SNX13: variants seen among roughly 807,000 people sequenced by gnomAD.
SNX13 encodes the protein sorting nexin 13, also known as sorting nexin-13.
SNX13 carries 45 observed loss-of-function variants against 133.6 expected under a neutral mutation model. The observed-to-expected ratio is 0.34, with a 90% CI of 0.27 to 0.43. The LOEUF (loss-of-function observed/expected upper bound fraction) is 0.43. Among genes scored for constraint, SNX13 ranks in the 20% least tolerant of loss-of-function variants. SNX13 has a pLI of 1.00. For synonymous variants in SNX13, 414 were observed against 373.9 expected (o/e 1.11, Z -1.24); for missense variants, 1,032 against 1,145.1 (o/e 0.90, Z 1.43).
At chr7:17,888,868 C>T (rs1796305582) in intron 5 of SNX13, 1 of 358,168 alleles carries the variant, frequency 2.8e-6, no homozygotes, top group East Asian at 8.7e-5. Context: ...AGTTTAAAGA[C>T]ACTTGCTCAC....
chr7:17,904,567 T>C (rs944621045), intron 1 of SNX13, among the ~76,000 whole-genome samples: 2 of 152,160 alleles, frequency 1.3e-5, no homozygotes, highest in Admixed American at 1.3e-4. Context: ...CTGTCAGAAC[T>C]ACCATAGAAA....
chr7:17,938,325 CTACTG>C (rs1225311068), intron 1 of SNX13, among the ~76,000 whole-genome samples: 2 of 152,142 alleles, frequency 1.3e-5, no homozygotes. Context: ...TCAGAGCTCT[CTACTG>C]AGAGTTAGGA....
chr7:17,796,496 G>C (rs1264232392), intron 25 of SNX13: 1 of 199,136 alleles, frequency 5.0e-6, no homozygotes, highest in Non-Finnish European at 1.0e-5. Context: ...AGAGCGAAGT[G>C]GCTAAAAGCA....
intron 5 of SNX13, chr7:17,881,329 C>T (rs1795317493): frequency 6.6e-6 from 1 of 151,470 alleles, no homozygotes; most frequent in Admixed American, 6.6e-5. Context: ...TATACATATA[C>T]ACATACACAA....
intron 1 of SNX13, 105 bp downstream of exon 1, chr7:17,940,179 G>C: frequency 6.8e-7 from 1 of 1,474,324 alleles, no homozygotes. Flanking sequence ...TGGAGCCCAC[G>C]GCGAAGGGTC....
At chr7:17,882,734 G>A in intron 5 of SNX13, 1 of 1,061,276 alleles carries the variant, frequency 9.4e-7, no homozygotes, top group Non-Finnish European at 1.2e-6. Flanking sequence ...GTAACAACCT[G>A]ACCAGAGAAT....
At chr7:17,879,688 A>T (rs147050585) in intron 5 of SNX13, 1 of 152,352 alleles carries the variant, frequency 6.6e-6, no homozygotes, top group African/African-American at 2.4e-5. Context: ...TGTTCCATCT[A>T]TTCTAAGCAG....
intron 1 of SNX13, among the ~76,000 whole-genome samples, chr7:17,903,500 C>T (rs1314048041): frequency 6.6e-6 from 1 of 152,204 alleles, no homozygotes; most frequent in Admixed American, 6.5e-5. Flanking sequence ...CAAATCTCAC[C>T]TTTACCATTA....
intron 20 of SNX13, among the ~76,000 whole-genome samples, chr7:17,814,199 A>C (rs889448759): frequency 1.3e-5 from 2 of 152,148 alleles, no homozygotes; most frequent in African/African-American, 4.8e-5. Flanking sequence ...GCTCTAATGA[A>C]ATTTAAATCT....
chr7:17,845,595 C>A lies in SNX13; in HGVS notation c.1165G>T (p.Asp389Tyr). ...VDNVALQFFM[D>Y]YMQQTGGQAH... ...ATTTAAATAGAATTGATCTACCTAC[C>A]CATAAAAAATTGTAGTGCAACATTG... is the stretch of plus-strand genomic sequence containing the variant. The change falls in exon 12 of 26, where the codon GAT becomes TAT. Residue 389 changes from aspartate to tyrosine, a missense_variant and splice_region_variant. By Grantham distance (160) the Asp-to-Tyr change is radical (BLOSUM62 -3). Transcript: ENST00000428135. 2 of 1,568,312 alleles carry A rather than the reference C, an allele frequency of 1.3e-6. No homozygotes were observed. Among genetic ancestry groups the A allele is most frequent in the African/African-American group, 1.4e-5 (1 of 73,254 alleles).
At chr7:17,878,179 G>A (rs1047918098) in intron 5 of SNX13, among the ~76,000 whole-genome samples, 1 of 151,970 alleles carries the variant, frequency 6.6e-6, no homozygotes, top group African/African-American at 2.4e-5. Flanking sequence ...CTTACATTAT[G>A]CCAACAGTCA....
intron 13 of SNX13, among the ~76,000 whole-genome samples, chr7:17,839,220 T>C (rs1039639109): frequency 6.7e-6 from 1 of 149,506 alleles, no homozygotes; most frequent in Non-Finnish European, 1.5e-5. Flanking sequence ...GTATTACATA[T>C]ATTCTATAGA....
chr7:17,919,017 C>A (rs1209415213), intron 1 of SNX13, among the ~76,000 whole-genome samples: 1 of 152,170 alleles, frequency 6.6e-6, no homozygotes, highest in East Asian at 1.9e-4. Flanking sequence ...CATGTTCTCA[C>A]TTAAAAGTAG....
chr7:17,868,876 A>T (rs1159044245), intron 8 of SNX13, among the ~76,000 whole-genome samples: 2 of 152,122 alleles, frequency 1.3e-5, no homozygotes, highest in African/African-American at 2.4e-5. Flanking sequence ...CTGATTTTAG[A>T]ACTACTACCA....
At chr7:17,798,083 C>T (rs778104638) in intron 24 of SNX13, among the ~76,000 whole-genome samples, 3 of 151,822 alleles carry the variant, frequency 2.0e-5, no homozygotes, top group Non-Finnish European at 2.9e-5. Context: ...TGAATTTTTA[C>T]GCATTGCTTA....
chr7:17,882,751 A>G (rs1583609907), intron 5 of SNX13: 1 of 1,132,506 alleles, frequency 8.8e-7, no homozygotes, highest in African/African-American at 1.7e-5. Flanking sequence ...GAATCTTACT[A>G]TTTTAGAACT....
intron 8 of SNX13, among the ~76,000 whole-genome samples, chr7:17,871,810 C>T (rs1197324611): frequency 1.3e-5 from 2 of 152,198 alleles, no homozygotes; most frequent in South Asian, 2.1e-4. Flanking sequence ...TTTTTTACTA[C>T]ACTTACTGTC....
Position 17,839,847 on chromosome 7 carries a change from G to A in SNX13, c.1319C>T (p.Ala440Val), listed in dbSNP as rs934140550. 4 of 1,610,812 alleles carry A rather than the reference G, an allele frequency of 2.5e-6. No individual in the cohort carries two copies. Among genetic ancestry groups the A allele is most frequent in the Non-Finnish European group, 3.4e-6 (4 of 1,178,134 alleles). The change falls in exon 13 of 26, where the codon GCA becomes GTA. Residue 440 changes from alanine to valine, a missense_variant. Transcript: ENST00000428135. ...CTGTTCATAAATTCCAACAGCAGCT[G>A]CTCTTAAAAGACCTTTGGTTTGGTT... ...QTNQTKGLLRAAAVGIYEQYL... is the reference protein window; with the variant it reads ...QTNQTKGLLRVAAVGIYEQYL...
At chr7:17,858,394 C>T (rs1792192391) in intron 9 of SNX13, among the ~76,000 whole-genome samples, 1 of 151,696 alleles carries the variant, frequency 6.6e-6, no homozygotes, top group Admixed American at 6.6e-5. Context: ...ACATTTATAA[C>T]AGCATCAAAA....
Sources: gnomAD v4.1 joint callset for allele counts (sites outside exome capture counted in the v4.1 genomes callset) on GRCh38, gnomAD v4.1.1 for gene constraint, MANE v1.5 for transcripts, NCBI Gene and HGNC (gene_info 2026-07-23, HGNC 2026-07-21) for gene names.